Variants in RORA observed in about 807,000 individuals in gnomAD.
The protein encoded by RORA is RAR related orphan receptor A, also known as nuclear receptor ROR-alpha.
A neutral mutation model predicts 69.5 loss-of-function variants in RORA; 7 were observed. That is an observed-to-expected ratio of 0.10 (90% CI 0.06 to 0.19). The LOEUF (loss-of-function observed/expected upper bound fraction) is 0.19. Among genes scored for constraint, RORA ranks in the 10% least tolerant of loss-of-function variants. The probability of loss-of-function intolerance (pLI) is 1.00; values close to 1 mark genes in which losing one functional copy is unlikely to be tolerated. For synonymous variants in RORA, 261 were observed against 240.8 expected (o/e 1.08, Z -0.78); for missense variants, 457 against 663.0 (o/e 0.69, Z 3.41).
intron 3 of RORA, among the ~76,000 whole-genome samples, chr15:60,518,833 G>C (rs947183530): frequency 6.9e-6 from 1 of 144,922 alleles, no homozygotes; most frequent in African/African-American, 2.9e-5. Context: ...CCCCTGTATG[G>C]TGTGGCATGG....
chr15:61,155,258 G>A (rs1427950537), intron 1 of RORA, among the ~76,000 whole-genome samples: 1 of 152,000 alleles, frequency 6.6e-6, no homozygotes, highest in Non-Finnish European at 1.5e-5. Context: ...AATTTAAAAA[G>A]ATGAATATCA....
At chr15:60,650,652 A>G (rs2070129450) in intron 2 of RORA, 1 of 152,168 alleles carries the variant, frequency 6.6e-6, no homozygotes, top group South Asian at 2.1e-4. Flanking sequence ...GAGAGCACCA[A>G]TTTGCGGAGC....
At chr15:60,521,970 A>T (rs895004890) in intron 3 of RORA, among the ~76,000 whole-genome samples, 19 of 151,816 alleles carry the variant, frequency 1.3e-4, no homozygotes, top group Admixed American at 1.2e-3. Flanking sequence ...CTTTTTCTTT[A>T]AAAAAAATGA....
chr15:60,635,652 C>T (rs531803889), intron 2 of RORA, among the ~76,000 whole-genome samples: 34 of 152,256 alleles, frequency 2.2e-4, no homozygotes, highest in African/African-American at 7.0e-4. Context: ...TTTCCAAAGT[C>T]GTCTTGGATA....
At chr15:60,958,871 C>G (rs934777222) in intron 1 of RORA, among the ~76,000 whole-genome samples, 4 of 152,088 alleles carry the variant, frequency 2.6e-5, no homozygotes, top group Non-Finnish European at 2.9e-5. Flanking sequence ...TGCACAGCAA[C>G]TTGGCTCAGG....
chr15:61,229,219 G>GT lies in RORA; in HGVS notation c.-2dup, dbSNP rs1274183823. On this transcript the variant is annotated 5_prime_UTR_variant, in exon 1 of 11. Coordinates refer to ENST00000335670, the MANE Select transcript of RORA (RefSeq NM_134261.3). ...CGGGGGCTGCCGGAGCTGACTCCAT[G>GT]TTTTTTCCCAATGTAGAGATCGCTG... The GT allele has an allele frequency of 1.9e-5, 26 of 1,376,938 alleles. 1 individual carries two copies. Among genetic ancestry groups the GT allele is most frequent in the Non-Finnish European group, 2.0e-5 (21 of 1,051,888 alleles). 85.3% of individuals were successfully genotyped at this position (1,376,938 alleles called of 1,614,324 possible).
At chr15:60,707,103 TC>T (rs1434201033) in intron 1 of RORA, among the ~76,000 whole-genome samples, 1 of 152,138 alleles carries the variant, frequency 6.6e-6, no homozygotes, top group African/African-American at 2.4e-5. Flanking sequence ...AACAAGTCCA[TC>T]CGATGGCCCT....
rs1474277850 is a variant in RORA at position 60,537,176 on chromosome 15, T to G, written c.197-5325A>C. Among the ~76,000 whole-genome samples, 1 of 152,046 alleles carries G rather than the reference T, an allele frequency of 6.6e-6. No homozygotes were observed. The highest frequency in any genetic ancestry group is 1.5e-5 in the Non-Finnish European group (1 of 67,996). On this transcript the variant is annotated intron_variant, in intron 2 of 10. Coordinates refer to ENST00000335670, the MANE Select transcript of RORA (RefSeq NM_134261.3). The surrounding 1 kb of genome is among the most constrained non-coding windows in gnomAD (Gnocchi z 4.9). ...GGTTAGCCGGGGGAGAGCTGCAGAG[T>G]CTTCACCTTATTCCCTGGAGGGACT...
chr15:60,671,144 G>T (rs1441881977), intron 2 of RORA, among the ~76,000 whole-genome samples: 1 of 143,870 alleles, frequency 7.0e-6, no homozygotes, highest in Non-Finnish European at 1.5e-5. Context: ...TTTGGGTTTG[G>T]ATAGGTTTCA....
At chr15:61,130,272 A>T (rs566744120) in intron 1 of RORA, among the ~76,000 whole-genome samples, 3 of 152,246 alleles carry the variant, frequency 2.0e-5, no homozygotes, top group African/African-American at 7.2e-5. Context: ...AAATGTACAC[A>T]TCTGATTTCT....
chr15:60,783,894 C>A (rs2072298184), intron 1 of RORA, among the ~76,000 whole-genome samples: 1 of 152,222 alleles, frequency 6.6e-6, no homozygotes, highest in Non-Finnish European at 1.5e-5. Context: ...GGCTAATCAT[C>A]TTTTCAAGAC....
chr15:60,605,265 A>C (rs990124943), intron 2 of RORA, among the ~76,000 whole-genome samples: 2 of 152,132 alleles, frequency 1.3e-5, no homozygotes, highest in East Asian at 1.9e-4. Flanking sequence ...ATTCTTCGTA[A>C]TGTAGTTAGA....
intron 1 of RORA, among the ~76,000 whole-genome samples, chr15:61,079,831 C>T (rs894453023): frequency 2.0e-5 from 3 of 152,164 alleles, no homozygotes; most frequent in African/African-American, 7.2e-5. Flanking sequence ...TGGTGAAGAG[C>T]TCGTGTTTTG....
intron 1 of RORA, among the ~76,000 whole-genome samples, chr15:60,889,040 G>A (rs151266897): frequency 0.012 from 1,765 of 152,282 alleles, 22 homozygotes; most frequent in Non-Finnish European, 0.019. Context: ...AAGGAAAATG[G>A]GGCCACCTCA....
At chr15:61,067,185 C>T (rs1454136178) in intron 1 of RORA, among the ~76,000 whole-genome samples, 1 of 149,306 alleles carries the variant, frequency 6.7e-6, no homozygotes, top group African/African-American at 2.5e-5. Flanking sequence ...GATCTCAGTT[C>T]ACTGCAACCT....
At chr15:60,776,011 T>A (rs562582459) in intron 1 of RORA, among the ~76,000 whole-genome samples, 2 of 152,346 alleles carry the variant, frequency 1.3e-5, no homozygotes, top group Admixed American at 6.5e-5. Context: ...AATAACTGTG[T>A]GTGAACTAGT....
chr15:61,215,734 T>C (rs1310657839), intron 1 of RORA, among the ~76,000 whole-genome samples: 2 of 152,262 alleles, frequency 1.3e-5, no homozygotes, highest in African/African-American at 2.4e-5. Context: ...ATTATTTTTG[T>C]TCACTGACTG....
At chr15:60,631,142 G>A (rs886661067) in intron 2 of RORA, among the ~76,000 whole-genome samples, 2 of 152,022 alleles carry the variant, frequency 1.3e-5, no homozygotes, top group Non-Finnish European at 1.5e-5. Context: ...CACCCGCCTC[G>A]GCCTCCCAAA....
rs1485796713 is a variant in RORA, at chr15:60,531,167, A to C, written c.282+599T>G. Reference sequence around the variant, plus strand: ...TGTTTGTAAGGACTTTTTTATGTACAGGTTCTCCTTCTATTCTTGGAATAG... The same window carrying C: ...TGTTTGTAAGGACTTTTTTATGTACCGGTTCTCCTTCTATTCTTGGAATAG... On this transcript the variant is annotated intron_variant, in intron 3 of 10. Transcript: ENST00000335670. The surrounding 1 kb of genome is among the most constrained non-coding windows in gnomAD (Gnocchi z 4.8). 1 of 152,262 alleles carries C rather than the reference A, an allele frequency of 6.6e-6. No individual in the cohort carries two copies. The highest frequency in any genetic ancestry group is 1.5e-5 in the Non-Finnish European group (1 of 68,054). 9.4% of individuals were successfully genotyped at this position (152,262 alleles called of 1,614,324 possible).
Sources: gnomAD v4.1 joint callset for allele counts (sites outside exome capture counted in the v4.1 genomes callset) on GRCh38, gnomAD v4.1.1 for gene constraint, Gnocchi (gnomAD v3.1) non-coding constraint, MANE v1.5 for transcripts, NCBI Gene and HGNC (gene_info 2026-07-23, HGNC 2026-07-21) for gene names.